CASKIN2: variants seen among roughly 807,000 people sequenced by gnomAD.
CASKIN2 encodes caskin-2.
In CASKIN2, 41 loss-of-function variants were observed where a neutral mutation model predicts 107.1. The ratio of observed to expected loss-of-function variants is 0.38; its 90% CI spans 0.30 to 0.50. The LOEUF (loss-of-function observed/expected upper bound fraction) is 0.50, where lower values mean the gene tolerates loss of function less well. CASKIN2 is among the 20% of genes least tolerant of loss of function. CASKIN2 has a pLI of 0.92. For synonymous variants in CASKIN2, 724 were observed against 705.6 expected (o/e 1.03, Z -0.41); for missense variants, 1,546 against 1,657.4 (o/e 0.93, Z 1.17).
chr17:75,505,678 G>T lies in CASKIN2; in HGVS notation c.836-27C>A. 1 of 1,601,072 alleles carries T rather than the reference G, an allele frequency of 6.2e-7. No homozygotes were observed. On this transcript the variant is annotated intron_variant, in intron 9 of 19. Transcript: ENST00000321617. The surrounding 1 kb of genome is among the most constrained non-coding windows in gnomAD (Gnocchi z 5.1). Reference sequence around the variant, plus strand: ...TAAGAAAACGGGGTGGGGGACAGGTGTCATCTAAGGGTCCTTAGGGCATCT... The same window carrying T: ...TAAGAAAACGGGGTGGGGGACAGGTTTCATCTAAGGGTCCTTAGGGCATCT...
Position 75,504,991 on chromosome 17 carries a change from G to A in CASKIN2, c.1013C>T (p.Pro338Leu). Residue 338 changes from proline to leucine, a missense_variant, in exon 11 of 20, where the codon CCC (proline) becomes CTC (leucine). This residue lies in a region of CASKIN2 where 1,311 missense variants were observed against 1,311.0 expected (regional missense o/e 1.00). Coordinates refer to ENST00000321617, the MANE Select transcript of CASKIN2 (RefSeq NM_020753.5). The part of the protein sequence containing the change: ...QRGTDRIGYF[P>L]PGIVEVVSKR... The stretch of plus-strand genomic sequence containing the variant: ...GCTGACCACCTCGACAATGCCCGGG[G>A]GGAAGTAGCCTATGCGGTCTGTGCC... 2 of 1,612,422 alleles carry A rather than the reference G, an allele frequency of 1.2e-6. No homozygotes were observed. Among genetic ancestry groups the A allele is most frequent in the Non-Finnish European group, 1.7e-6 (2 of 1,179,796 alleles).
In CASKIN2 at chr17:75,505,827, G is replaced by T; in HGVS notation, c.829C>A (p.Leu277Met). 2 of 1,613,032 alleles carry T rather than the reference G, an allele frequency of 1.2e-6. No homozygotes were observed. Among genetic ancestry groups the T allele is most frequent in the Non-Finnish European group, 1.7e-6 (2 of 1,179,898 alleles). Reference protein sequence around the residue: ...SQASREIKQLLREASGILKVR... With the variant: ...SQASREIKQLMREASGILKVR... ...TATCCTCCCCCGCACTCACCCCGCA[G>T]TAGCTGCTTGATTTCCCGGCTGGCC... The change falls in exon 9 of 20, where the codon CTG becomes ATG. Residue 277 changes from leucine to methionine, a missense_variant. Leu to Met is a conservative substitution (Grantham distance 15). This residue lies in a region of CASKIN2 where 1,311 missense variants were observed against 1,311.0 expected (regional missense o/e 1.00). Transcript: ENST00000321617. This position sits in a 1 kb window ranked among gnomAD's most constrained non-coding sequence, Gnocchi z 5.1.
Position 75,505,768 on chromosome 17 carries a change from A to T in CASKIN2, c.835+53T>A. 6.3e-7 allele frequency: 1 copy of T among 1,575,086 alleles called. No homozygotes were observed. The highest frequency in any genetic ancestry group is 1.1e-5 in the South Asian group (1 of 89,758). ...GTCCACTCCCCCTCCACATCCTGGT[A>T]CCACTTGAGCGGCCCCAGGCCCCCT... On this transcript the variant is annotated intron_variant, in intron 9 of 19. Coordinates refer to ENST00000321617, the MANE Select transcript of CASKIN2 (RefSeq NM_020753.5). The surrounding 1 kb of genome is among the most constrained non-coding windows in gnomAD (Gnocchi z 5.1).
At position 75,505,269 on chromosome 17, in the gene CASKIN2, G is replaced by T; in HGVS notation, c.931-196C>A. 1 of 680,834 alleles carries T rather than the reference G, an allele frequency of 1.5e-6. No homozygotes were observed. Among genetic ancestry groups the T allele is most frequent in the Non-Finnish European group, 2.5e-6 (1 of 405,966 alleles). 42.2% of individuals were successfully genotyped at this position (680,834 alleles called of 1,614,324 possible). On this transcript the variant is annotated intron_variant, in intron 10 of 19. Transcript: ENST00000321617. The surrounding 1 kb of genome is among the most constrained non-coding windows in gnomAD (Gnocchi z 5.1). ...CAGCTCAATCTCCCCTGTGCCTCCAGGGCGAGCCCCAGTGGCAGCCCGTGG... is the reference window on the plus strand; with the variant it reads ...CAGCTCAATCTCCCCTGTGCCTCCATGGCGAGCCCCAGTGGCAGCCCGTGG...
At position 75,502,283 on chromosome 17, in the gene CASKIN2, C is replaced by G. The variant is rs2053204535; in HGVS notation, c.2791G>C (p.Glu931Gln). 6.6e-7 allele frequency: 1 copy of G among 1,514,554 alleles called. No homozygotes were observed. Among genetic ancestry groups the G allele is most frequent in the Non-Finnish European group, 8.8e-7 (1 of 1,135,056 alleles). 93.8% of individuals were successfully genotyped at this position (1,514,554 alleles called of 1,614,324 possible). A position where few individuals can be genotyped will look rare whatever the true frequency, so the allele number is the denominator to read the frequency against. ...GTCCCCTCAGGGCCTGGCTCCTCCT[C>G]CTCCGTGTCTGACGCGGGCCCAGCC... ...APAGPASDTE[E>Q]EEPGPEGTPP... The change falls in exon 18 of 20, where the codon GAG becomes CAG. Residue 931 changes from glutamate (E) to glutamine (Q), a missense_variant. By Grantham distance (29) the Glu-to-Gln change is conservative (BLOSUM62 2). Around this residue, in one of 6 missense-constraint regions of CASKIN2, gnomAD observed 1,311 missense variants for 1,311.0 expected, o/e 1.00. Transcript: ENST00000321617. This position sits in a 1 kb window ranked among gnomAD's most constrained non-coding sequence, Gnocchi z 4.3.
intron 2 of CASKIN2, chr17:75,509,990 C>T (rs966710984): frequency 5.6e-5 from 52 of 921,944 alleles, no homozygotes; most frequent in Non-Finnish European, 6.5e-5. Flanking sequence ...TCAGAGTGAC[C>T]GGGCTGGGGA....
rs563944924 is a variant in CASKIN2 at position 75,514,125 on chromosome 17, G to C, written c.-321C>G. The C allele has an allele frequency of 1.9e-6, 1 of 530,984 alleles. No homozygotes were observed. Among genetic ancestry groups the C allele is most frequent in the Non-Finnish European group, 3.3e-6 (1 of 300,458 alleles). 32.9% of individuals were successfully genotyped at this position (530,984 alleles called of 1,614,324 possible). On this transcript the variant is annotated 5_prime_UTR_variant, in exon 2 of 20. Transcript: ENST00000321617. ...CTGGGCACACCAATCTTCCCGGCTT[G>C]GCTGTGGAACACCAGTGCCCACCCA...
intron 2 of CASKIN2, chr17:75,509,615 C>T: frequency 1.0e-6 from 1 of 985,654 alleles, no homozygotes; most frequent in Non-Finnish European, 1.2e-6. Flanking sequence ...CTTGGAAAGT[C>T]CTTGTCATAC....
At chr17:75,508,516 C>T (rs550919613) in intron 2 of CASKIN2, among the ~76,000 whole-genome samples, 1 of 152,340 alleles carries the variant, frequency 6.6e-6, no homozygotes, top group East Asian at 1.9e-4. Flanking sequence ...TCCCCTCGCC[C>T]CAGTCCCGCT....
chr17:75,507,791 G>A, intron 3 of CASKIN2, 110 bp from the exon 4 acceptor site: 1 of 805,210 alleles, frequency 1.2e-6, no homozygotes. Context: ...TGGGTTACTG[G>A]CCCCCCCAAC....
Position 75,506,384 on chromosome 17 carries a change from T to C in CASKIN2, c.647A>G (p.Asn216Ser). Residue 216 changes from asparagine (N) to serine (S), a missense_variant, in exon 8 of 20, where the codon AAC (asparagine) becomes AGC (serine). Asn to Ser is a conservative substitution (Grantham distance 46). Around this residue, in one of 6 missense-constraint regions of CASKIN2, gnomAD observed 62 missense variants for 81.1 expected, o/e 0.76. Coordinates refer to ENST00000321617, the MANE Select transcript of CASKIN2 (RefSeq NM_020753.5). This position sits in a 1 kb window ranked among gnomAD's most constrained non-coding sequence, Gnocchi z 4.8. Reference sequence around the variant, plus strand: ...CGCCGTACCCGTCTTGGTCTGGCGGTTGATCTCGATCCCAGCTCTCAGGAG... The same window carrying C: ...CGCCGTACCCGTCTTGGTCTGGCGGCTGATCTCGATCCCAGCTCTCAGGAG... ...RQLLRAGIEI[N>S]RQTKTGTALH... The C allele has an allele frequency of 6.2e-7, 1 of 1,611,042 alleles. No individual in the cohort carries two copies. The highest frequency in any genetic ancestry group is 8.5e-7 in the Non-Finnish European group (1 of 1,179,876).
In CASKIN2 at chr17:75,501,673, C is replaced by T. The variant is rs1415202236; in HGVS notation, c.3313G>A (p.Val1105Met). Residue 1105 changes from valine to methionine, a missense_variant, in exon 19 of 20, where the codon GTG (valine) becomes ATG (methionine). Val to Met is a conservative substitution (Grantham distance 21). Around this residue, in one of 6 missense-constraint regions of CASKIN2, gnomAD observed 1,311 missense variants for 1,311.0 expected, o/e 1.00. Transcript: ENST00000321617. Reference protein sequence around the residue: ...VPGAGTAPKPVSVACTQLAFS... With the variant: ...VPGAGTAPKPMSVACTQLAFS... ...GCCAGCTGGGTGCAGGCCACCGACA[C>T]AGGCTTGGGGGCTGTTCCTGCAGAG... 2 of 1,579,902 alleles carry T rather than the reference C, an allele frequency of 1.3e-6. No individual in the cohort carries two copies. Among genetic ancestry groups the T allele is most frequent in the East Asian group, 2.3e-5 (1 of 44,324 alleles).
chr17:75,505,983 C>A lies in CASKIN2; in HGVS notation c.727-54G>T. 6.7e-7 allele frequency: 1 copy of A among 1,482,928 alleles called. No homozygotes were observed. The highest frequency in any genetic ancestry group is 1.2e-5 in the South Asian group (1 of 86,902). The allele number at this position is 1,482,928 out of a possible 1,614,324, so 91.9% of individuals were successfully genotyped here. On this transcript the variant is annotated intron_variant, in intron 8 of 19. Coordinates refer to ENST00000321617, the MANE Select transcript of CASKIN2 (RefSeq NM_020753.5). The surrounding 1 kb of genome is among the most constrained non-coding windows in gnomAD (Gnocchi z 5.1). ...GCTAAGCACTTTGACACCCCTCACCCGATTCTCTCAGCTACCCGGGACATA... is the reference window on the plus strand; with the variant it reads ...GCTAAGCACTTTGACACCCCTCACCAGATTCTCTCAGCTACCCGGGACATA...
chr17:75,507,575 G>A lies in CASKIN2; in HGVS notation c.244+9C>T. ...CAGGGTGGGGGTCGGGGGCACATGG[G>A]GGTCTCACCATTGCTGTCCTTGATG... On this transcript the variant is annotated intron_variant, in intron 4 of 19. Transcript: ENST00000321617. The A allele has an allele frequency of 2.5e-6, 4 of 1,607,294 alleles. No homozygotes were observed. The highest frequency in any genetic ancestry group is 3.4e-6 in the Non-Finnish European group (4 of 1,174,920).
At chr17:75,508,188 T>C (rs1200998159) in intron 3 of CASKIN2, 46 bp downstream of exon 3, 1 of 1,601,578 alleles carries the variant, frequency 6.2e-7, no homozygotes, top group Non-Finnish European at 8.6e-7. Flanking sequence ...GGGGCTCTAC[T>C]GCCCCCACCC....
intron 2 of CASKIN2, chr17:75,509,948 A>G (rs954225466): frequency 3.0e-5 from 30 of 985,180 alleles, no homozygotes; most frequent in Non-Finnish European, 3.6e-5. Context: ...TTCTTTTCAG[A>G]ACAATAGCCG....
At chr17:75,509,531 C>G in intron 2 of CASKIN2, 1 of 978,016 alleles carries the variant, frequency 1.0e-6, no homozygotes, top group Non-Finnish European at 1.2e-6. Flanking sequence ...AAAGACAGAG[C>G]CAGGGAGGGA....
chr17:75,505,862 G>A lies in CASKIN2; in HGVS notation c.794C>T (p.Thr265Ile). ...GATTTCCCGGCTGGCCTGGGAGGTG[G>A]TGAACTGATTCACTATGTCCAGCGC... ...QTALDIVNQF[T>I]TSQASREIKQ... The change falls in exon 9 of 20, where the codon ACC (threonine) becomes ATC (isoleucine). Residue 265 changes from threonine (T) to isoleucine (I), a missense_variant. Physicochemically the swap from Thr to Ile is moderately conservative, Grantham distance 89. Transcript: ENST00000321617. The surrounding 1 kb of genome is among the most constrained non-coding windows in gnomAD (Gnocchi z 5.1). 1 of 1,613,464 alleles carries A rather than the reference G, an allele frequency of 6.2e-7. No individual in the cohort carries two copies. The highest frequency in any genetic ancestry group is 1.1e-5 in the South Asian group (1 of 91,070).
chr17:75,509,538 G>A (rs1451237262), intron 2 of CASKIN2: 2 of 982,610 alleles, frequency 2.0e-6, no homozygotes, highest in Non-Finnish European at 2.4e-6. Context: ...GAGCCAGGGA[G>A]GGACAAAGCG....
Sources: allele counts gnomAD v4.1 joint callset (sites outside exome capture counted in the v4.1 genomes callset), GRCh38; gene constraint gnomAD v4.1.1; regional missense constraint gnomAD v4.1.1; non-coding constraint Gnocchi (gnomAD v3.1); transcripts MANE v1.5; gene names NCBI Gene and HGNC (gene_info 2026-07-23, HGNC 2026-07-21).